Variants in MALRD1 observed in about 807,000 individuals in gnomAD.
The protein encoded by MALRD1 is MAM and LDL receptor class A domain containing 1, also known as MAM and LDL-receptor class A domain-containing protein 1.
In MALRD1, 247 loss-of-function variants were observed where a neutral mutation model predicts 242.1. The observed-to-expected ratio is 1.02, with a 90% CI of 0.92 to 1.13. The LOEUF is 1.13. Ranked by LOEUF, MALRD1 falls within the 50% of genes most tolerant of loss-of-function variation. The pLI is 0.00. For missense variants in MALRD1, 2,989 were observed against 2,533.1 expected (o/e 1.18, Z -3.86); for synonymous variants, 995 against 866.6 (o/e 1.15, Z -2.60).
At chr10:19,169,440 T>G (rs1834829844) in intron 13 of MALRD1, among the ~76,000 whole-genome samples, 1 of 152,304 alleles carries the variant, frequency 6.6e-6, no homozygotes, top group East Asian at 1.9e-4. Flanking sequence ...TAACTAGTAG[T>G]TAAAACAGAG....
At chr10:19,641,123 A>G (rs1840365778) in intron 36 of MALRD1, among the ~76,000 whole-genome samples, 1 of 152,324 alleles carries the variant, frequency 6.6e-6, no homozygotes, top group African/African-American at 2.4e-5. Flanking sequence ...TATTTAATGT[A>G]ATACAGTCTC....
At chr10:19,137,511 TAGG>T (rs1309029910) in intron 10 of MALRD1, among the ~76,000 whole-genome samples, 2 of 146,904 alleles carry the variant, frequency 1.4e-5, no homozygotes, top group African/African-American at 5.0e-5. Flanking sequence ...GAGGCTGAGG[TAGG>T]AGAACTGCCT....
chr10:19,396,856 C>T (rs1204361227), intron 28 of MALRD1, among the ~76,000 whole-genome samples: 2 of 152,178 alleles, frequency 1.3e-5, no homozygotes, highest in Non-Finnish European at 1.5e-5. Flanking sequence ...AGCTTGCCAG[C>T]ATCTAGTAAC....
intron 35 of MALRD1, among the ~76,000 whole-genome samples, chr10:19,614,586 A>G (rs1312420917): frequency 6.6e-6 from 1 of 152,014 alleles, no homozygotes; most frequent in Non-Finnish European, 1.5e-5. Flanking sequence ...GTAGGTCAAG[A>G]TGTCTCATGA....
chr10:19,162,370 T>G lies in MALRD1; in HGVS notation c.1657-3267T>G, dbSNP rs2131493750. ...ATTTACTGACAGTCTACTCATTTCTTTCTTCTTTTCTTTAATGCAATTAAC... is the reference window on the plus strand; with the variant it reads ...ATTTACTGACAGTCTACTCATTTCTGTCTTCTTTTCTTTAATGCAATTAAC... On this transcript the variant is annotated intron_variant, in intron 12 of 39. Transcript: ENST00000454679. Among the ~76,000 whole-genome samples the G allele has an allele frequency of 1.3e-5, 2 of 152,308 alleles. 1 individual carries two copies. Among genetic ancestry groups the G allele is most frequent in the Admixed American group, 1.3e-4 (2 of 15,302 alleles).
chr10:19,255,547 T>C (rs912721793), intron 18 of MALRD1, among the ~76,000 whole-genome samples: 3 of 152,028 alleles, frequency 2.0e-5, no homozygotes, highest in Admixed American at 2.0e-4. Context: ...GTGTGATTAT[T>C]ATCAAAAAGT....
At chr10:19,096,744 T>C (rs1836049068) in intron 4 of MALRD1, among the ~76,000 whole-genome samples, 1 of 152,224 alleles carries the variant, frequency 6.6e-6, no homozygotes, top group East Asian at 1.9e-4. Flanking sequence ...ATTATTTCAT[T>C]GTCTGCCATT....
intron 32 of MALRD1, among the ~76,000 whole-genome samples, chr10:19,560,816 G>A (rs887419594): frequency 4.7e-5 from 7 of 147,666 alleles, no homozygotes; most frequent in Non-Finnish European, 9.0e-5. Context: ...CTGTTGGGGT[G>A]GGGGATAGGG....
chr10:19,706,117 G>A (rs1833853677), intron 38 of MALRD1, among the ~76,000 whole-genome samples: 1 of 152,088 alleles, frequency 6.6e-6, no homozygotes, highest in Non-Finnish European at 1.5e-5. Flanking sequence ...GAGATCTGAA[G>A]GATGGAGAAA....
rs1452379263 is a variant in MALRD1 at position 19,389,624 on chromosome 10, T to G, written c.4845+15T>G. On this transcript the variant is annotated intron_variant, in intron 28 of 39. Coordinates refer to ENST00000454679, the MANE Select transcript of MALRD1 (RefSeq NM_001142308.3). The stretch of plus-strand genomic sequence containing the variant: ...TTCTCATCAAGGTAGGAACATGGCC[T>G]GTGATGCCTCTGAGCTTGTTTTGTT... 3 of 1,546,646 alleles carry G rather than the reference T, an allele frequency of 1.9e-6. No individual in the cohort carries two copies. The East Asian group carries it at 7.3e-5, about 38-fold the overall frequency.
chr10:19,404,662 A>C (rs145131577), intron 28 of MALRD1, among the ~76,000 whole-genome samples: 2,064 of 152,188 alleles, frequency 0.014, 19 homozygotes, highest in South Asian at 0.041. Flanking sequence ...TTGTTTTCCT[A>C]GACCTCTGGG....
At chr10:19,330,187 G>A (rs926382465) in intron 23 of MALRD1, among the ~76,000 whole-genome samples, 2 of 151,486 alleles carry the variant, frequency 1.3e-5, no homozygotes, top group African/African-American at 4.9e-5. Context: ...CACCTACTAT[G>A]AAGAGCAGTC....
intron 5 of MALRD1, among the ~76,000 whole-genome samples, chr10:19,112,829 G>T (rs1440016025): frequency 6.6e-6 from 1 of 152,126 alleles, no homozygotes; most frequent in Non-Finnish European, 1.5e-5. Flanking sequence ...AATCAACAAT[G>T]TTTAGAAGTA....
chr10:19,548,896 G>A (rs1835363443), intron 32 of MALRD1, among the ~76,000 whole-genome samples: 1 of 152,176 alleles, frequency 6.6e-6, no homozygotes, highest in Non-Finnish European at 1.5e-5. Context: ...CATGTCGAAA[G>A]GTGAGATAGG....
chr10:19,227,602 A>G (rs1837854794), intron 18 of MALRD1, among the ~76,000 whole-genome samples: 1 of 152,116 alleles, frequency 6.6e-6, no homozygotes, highest in Non-Finnish European at 1.5e-5. Flanking sequence ...TGGAAAAAAT[A>G]GTAAATTGGA....
At chr10:19,243,854 G>T (rs1838920240) in intron 18 of MALRD1, among the ~76,000 whole-genome samples, 1 of 152,132 alleles carries the variant, frequency 6.6e-6, no homozygotes, top group Non-Finnish European at 1.5e-5. Context: ...TGAAAACAAA[G>T]TATGTGTTTC....
chr10:19,524,996 C>T (rs1834039336), intron 31 of MALRD1, among the ~76,000 whole-genome samples: 1 of 151,930 alleles, frequency 6.6e-6, no homozygotes, highest in Non-Finnish European at 1.5e-5. Flanking sequence ...CTCCCGCCTC[C>T]TAGGTTCAAG....
At chr10:19,469,478 C>T (rs1043518239) in intron 29 of MALRD1, among the ~76,000 whole-genome samples, 4 of 152,052 alleles carry the variant, frequency 2.6e-5, no homozygotes, top group African/African-American at 7.2e-5. Context: ...CTTTTCTGAG[C>T]GATGTGTGTT....
At chr10:19,080,132 T>A (rs887231062) in intron 2 of MALRD1, among the ~76,000 whole-genome samples, 19 of 151,940 alleles carry the variant, frequency 1.3e-4, no homozygotes, top group African/African-American at 4.6e-4. Flanking sequence ...CACAAAGAAA[T>A]GGAAAAACAT....
Sources: gnomAD v4.1 joint callset for allele counts (sites outside exome capture counted in the v4.1 genomes callset) on GRCh38, gnomAD v4.1.1 for gene constraint, MANE v1.5 for transcripts, NCBI Gene and HGNC (gene_info 2026-07-23, HGNC 2026-07-21) for gene names.